Variants in TACC1 observed in about 807,000 individuals in gnomAD.
TACC1 encodes transforming acidic coiled-coil-containing protein 1.
In TACC1, 48 loss-of-function variants were observed where a neutral mutation model predicts 84.4. The ratio of observed to expected loss-of-function variants is 0.57; its 90% CI spans 0.45 to 0.72. TACC1 has a LOEUF of 0.72. TACC1 is among the 30% of genes least tolerant of loss of function. The probability of loss-of-function intolerance (pLI) is 0.00; values close to 1 mark genes in which losing one functional copy is unlikely to be tolerated. For synonymous variants in TACC1, 372 were observed against 376.3 expected, an observed-to-expected ratio of 0.99 and a Z score of 0.13; for missense variants, 920 against 973.0, an observed-to-expected ratio of 0.95 and a Z score of 0.72.
At chr8:38,790,482 AAGGGACTCT>A (rs1206931354) in intron 2 of TACC1, among the ~76,000 whole-genome samples, 1 of 152,144 alleles carries the variant, frequency 6.6e-6, no homozygotes, top group African/African-American at 2.4e-5. Flanking sequence ...CTGTGTGGAG[AAGGGACTCT>A]AGGATGGAAG....
chr8:38,787,096 C>T (rs1223368443), upstream of TACC1: 64 of 974,776 alleles, frequency 6.6e-5, no homozygotes, highest in East Asian at 6.2e-3. Flanking sequence ...TAGGGGGATC[C>T]GGCGGGCGCG....
intron 1 of TACC1, among the ~76,000 whole-genome samples, chr8:38,737,912 A>T (rs922077316): frequency 4.0e-5 from 6 of 151,550 alleles, no homozygotes; most frequent in African/African-American, 1.5e-4. Context: ...TTTTTAGTAG[A>T]GATGGGGTTT....
In TACC1 at chr8:38,850,116, A is replaced by C. The variant is rs1832891227; in HGVS notation, c.*2093A>C. ...GTGTTTAAGAAAGTAGCTATGTGTT[A>C]AACAGAGGTGATGGCAGCCCTTCCC... is the stretch of plus-strand genomic sequence containing the variant. On this transcript the variant is annotated 3_prime_UTR_variant, in exon 13 of 13. Coordinates refer to ENST00000317827, the MANE Select transcript of TACC1 (RefSeq NM_006283.3). The C allele has an allele frequency of 6.6e-6, 1 of 152,624 alleles. No homozygotes were observed. The highest frequency in any genetic ancestry group is 2.1e-4 in the South Asian group (1 of 4,824). The allele number at this position is 152,624 out of a possible 1,614,324, so 9.5% of individuals were successfully genotyped here.
intron 3 of TACC1, among the ~76,000 whole-genome samples, chr8:38,765,977 C>T (rs924869045): frequency 2.0e-5 from 3 of 152,090 alleles, no homozygotes; most frequent in Non-Finnish European, 4.4e-5. Flanking sequence ...CAAATGCTCT[C>T]GGTCATCAGT....
chr8:38,737,315 G>A (rs1806155596), intron 1 of TACC1, among the ~76,000 whole-genome samples: 1 of 152,202 alleles, frequency 6.6e-6, no homozygotes, highest in Non-Finnish European at 1.5e-5. Context: ...AAGGCAGTGG[G>A]AATGTACTCG....
intron 3 of TACC1, among the ~76,000 whole-genome samples, chr8:38,758,178 A>G (rs1247201714): frequency 6.6e-6 from 1 of 151,940 alleles, no homozygotes; most frequent in Admixed American, 6.6e-5. Context: ...GGGAATCCAT[A>G]CTCTTTATTT....
chr8:38,838,381 G>A, intron 7 of TACC1, 89 bp from the exon 8 acceptor site: 1 of 846,556 alleles, frequency 1.2e-6, no homozygotes, highest in Non-Finnish European at 2.0e-6. Flanking sequence ...GAACATCTTG[G>A]GTTAGACCTG....
intron 2 of TACC1, among the ~76,000 whole-genome samples, chr8:38,812,754 A>G (rs1487084250): frequency 6.6e-6 from 1 of 152,128 alleles, no homozygotes; most frequent in African/African-American, 2.4e-5. Context: ...TCTATTTCCC[A>G]TCCTCATTTT....
At chr8:38,731,093 ATTTT>A (rs778505968) in intron 1 of TACC1, among the ~76,000 whole-genome samples, 8 of 151,804 alleles carry the variant, frequency 5.3e-5, no homozygotes, top group Non-Finnish European at 1.2e-4. Context: ...ATGCCTGGCT[ATTTT>A]TTTAAATTTT....
chr8:38,819,761 G>T lies in TACC1; in HGVS notation c.517G>T (p.Gly173Cys). 1.2e-6 allele frequency: 2 copies of T among 1,613,990 alleles called. No individual in the cohort carries two copies. The highest frequency in any genetic ancestry group is 1.7e-6 in the Non-Finnish European group (2 of 1,180,032). ...SAVLGTKAAH[G>C]CVTAVSGKAL... ...AGTCCTCGGAACAAAAGCAGCTCAT[G>T]GCTGTGTAACTGCAGTCTCAGGCAA... The change falls in exon 3 of 13, where the codon GGC becomes TGC. Residue 173 changes from glycine (G) to cysteine (C), a missense_variant. Coordinates refer to ENST00000317827, the MANE Select transcript of TACC1 (RefSeq NM_006283.3).
chr8:38,838,463 A>C lies in TACC1; in HGVS notation c.1840-7A>C. On this transcript the variant is annotated splice_polypyrimidine_tract_variant and splice_region_variant and intron_variant, in intron 7 of 12. Coordinates refer to ENST00000317827, the MANE Select transcript of TACC1 (RefSeq NM_006283.3). ...ATTGGGTAAAACTAAGCTTTATTGT[A>C]CTCTAGATAATTACTAAAGAGATTG... is the stretch of plus-strand genomic sequence containing the variant. 1 of 1,605,066 alleles carries C rather than the reference A, an allele frequency of 6.2e-7. No individual in the cohort carries two copies.
intron 6 of TACC1, among the ~76,000 whole-genome samples, chr8:38,835,642 T>G (rs1227508905): frequency 6.6e-6 from 1 of 152,226 alleles, no homozygotes; most frequent in Non-Finnish European, 1.5e-5. Context: ...GGGTGAGAGT[T>G]CAGAGTTCAA....
chr8:38,750,346 G>A (rs1808805058), intron 3 of TACC1, among the ~76,000 whole-genome samples: 1 of 152,202 alleles, frequency 6.6e-6, no homozygotes, highest in Non-Finnish European at 1.5e-5. Context: ...TACAAAATCT[G>A]TCAGCTAACA....
Position 38,836,423 on chromosome 8 carries a change from G to A in TACC1, c.1839+136G>A, listed in dbSNP as rs372913390. 367 of 1,214,642 alleles carry A rather than the reference G, an allele frequency of 3.0e-4. 10 individuals are homozygous for A. In the East Asian group the frequency reaches 5.3e-3, roughly 17 times the overall value. 75.2% of individuals were successfully genotyped at this position (1,214,642 alleles called of 1,614,324 possible). A position where few individuals can be genotyped will look rare whatever the true frequency, so the allele number is the denominator to read the frequency against. ...TTATTACCTGCAGCTTGTTTAGGTC[G>A]TAAAAGGGCCCCCTGTGGCAGTGGT... On this transcript the variant is annotated intron_variant, in intron 7 of 12. Coordinates refer to ENST00000317827, the MANE Select transcript of TACC1 (RefSeq NM_006283.3).
At position 38,847,990 on chromosome 8, in the gene TACC1, T is replaced by A; in HGVS notation, c.2385T>A (p.Asp795Glu). Residue 795 changes from aspartate (D) to glutamate (E), a missense_variant, in exon 13 of 13, where the codon GAT becomes GAA. Asp to Glu is a conservative substitution (Grantham distance 45). This residue lies in a region of TACC1 where 158 missense variants were observed against 225.6 expected (regional missense o/e 0.70). Coordinates refer to ENST00000317827, the MANE Select transcript of TACC1 (RefSeq NM_006283.3). ...QEIEELTKICDELIAKLGKTD is the reference protein window; with the variant it reads ...QEIEELTKICEELIAKLGKTD Reference sequence around the variant, plus strand: ...TTGAAGAACTGACAAAAATCTGTGATGAGCTGATTGCAAAGCTGGGAAAGA... The same window carrying A: ...TTGAAGAACTGACAAAAATCTGTGAAGAGCTGATTGCAAAGCTGGGAAAGA... 1 of 1,613,118 alleles carries A rather than the reference T, an allele frequency of 6.2e-7. No homozygotes were observed. Among genetic ancestry groups the A allele is most frequent in the Non-Finnish European group, 8.5e-7 (1 of 1,179,064 alleles).
chr8:38,787,563 G>A lies in TACC1; in HGVS notation c.-20G>A, dbSNP rs933157834. ...CCCATTCCCCTGCCCCTAGGAGCTG[G>A]AGCCGGAGGAGCCGCGCTCATGGCG... On this transcript the variant is annotated 5_prime_UTR_variant, in exon 1 of 13. Transcript: ENST00000317827. The A allele has an allele frequency of 1.2e-5, 18 of 1,532,972 alleles. No homozygotes were observed. The highest frequency in any genetic ancestry group is 1.3e-5 in the Non-Finnish European group (15 of 1,139,776). The allele number at this position is 1,532,972 out of a possible 1,614,324, so 95.0% of individuals were successfully genotyped here. A position where few individuals can be genotyped will look rare whatever the true frequency, so the allele number is the denominator to read the frequency against.
Position 38,801,583 on chromosome 8 carries a change from C to T in TACC1, c.277+12764C>T, listed in dbSNP as rs574541934. Among the ~76,000 whole-genome samples, 5 of 152,288 alleles carry T rather than the reference C, an allele frequency of 3.3e-5. No homozygotes were observed. In the East Asian group the frequency reaches 5.8e-4, roughly 18 times the overall value. On this transcript the variant is annotated intron_variant, in intron 2 of 12. Transcript: ENST00000317827. ...TTGTTTCTCTGATCTATATGTCTCTCGTTATGCTGGTACCACCACACTGTC... is the reference window on the plus strand; with the variant it reads ...TTGTTTCTCTGATCTATATGTCTCTTGTTATGCTGGTACCACCACACTGTC...
At chr8:38,755,665 C>G (rs1023671646) in intron 3 of TACC1, among the ~76,000 whole-genome samples, 1 of 151,484 alleles carries the variant, frequency 6.6e-6, no homozygotes, top group Non-Finnish European at 1.5e-5. Context: ...GATCGCACCA[C>G]GGCACTCCAG....
rs1833189219 is a variant in TACC1 at position 38,852,194 on chromosome 8, G to A, written c.*4171G>A. On this transcript the variant is annotated 3_prime_UTR_variant, in exon 13 of 13. Coordinates refer to ENST00000317827, the MANE Select transcript of TACC1 (RefSeq NM_006283.3). ...CCATTTCTGTGCCTCTTAGCATGCA[G>A]TTAGATTTGGACAAACAAGATTCCT... The A allele has an allele frequency of 1.0e-5, 3 of 290,434 alleles. No homozygotes were observed. The allele number at this position is 290,434 out of a possible 1,614,324, so 18.0% of individuals were successfully genotyped here. A position where few individuals can be genotyped will look rare whatever the true frequency, so the allele number is the denominator to read the frequency against.
Sources: allele counts gnomAD v4.1 joint callset (sites outside exome capture counted in the v4.1 genomes callset), GRCh38; gene constraint gnomAD v4.1.1; regional missense constraint gnomAD v4.1.1; transcripts MANE v1.5; gene names NCBI Gene and HGNC (gene_info 2026-07-23, HGNC 2026-07-21).